Variants in TUBA1C observed in about 807,000 individuals in gnomAD.
The protein encoded by TUBA1C is tubulin alpha 1c, also known as tubulin alpha-1C chain.
A neutral mutation model predicts 34.9 loss-of-function variants in TUBA1C; 16 were observed. The ratio of observed to expected loss-of-function variants is 0.46; its 90% CI spans 0.31 to 0.70. The LOEUF is 0.70. Ranked by LOEUF, TUBA1C falls within the 30% of genes least tolerant of loss-of-function variation. TUBA1C has a pLI of 0.05. For missense variants in TUBA1C, 329 were observed against 587.3 expected (o/e 0.56, Z 4.55); for synonymous variants, 177 against 215.9 (o/e 0.82, Z 1.58).
rs779100436 is a variant in TUBA1C at position 49,268,870 on chromosome 12, CAG to C, written c.4-592_4-591del. On this transcript the variant is annotated intron_variant, in intron 1 of 3. Coordinates refer to ENST00000301072, the MANE Select transcript of TUBA1C (RefSeq NM_032704.5). The stretch of plus-strand genomic sequence containing the variant: ...TTACACAATCATTCAGAGAATGAAT[CAG>C]AGCTGGAAAGGGGAATTTTGCCTTA... Among the ~76,000 whole-genome samples, 11 of 152,266 alleles carry C rather than the reference CAG, an allele frequency of 7.2e-5. No homozygotes were observed. The South Asian group carries it at 1.9e-3, about 26-fold the overall frequency.
At chr12:49,248,785 G>A (rs1370804713) in intron 1 of TUBA1C, among the ~76,000 whole-genome samples, 5 of 146,316 alleles carry the variant, frequency 3.4e-5, no homozygotes, top group African/African-American at 5.0e-5. Flanking sequence ...GGAGAATGGC[G>A]TGAACCCGGG....
intron 1 of TUBA1C, chr12:49,257,862 A>ATT (rs550187175): frequency 8.2e-4 from 138 of 168,276 alleles, no homozygotes; most frequent in South Asian, 3.8e-3. Context: ...AAAGTTTACA[A>ATT]TTTTTTTTTT....
chr12:49,237,524 C>A (rs1942568212), intron 1 of TUBA1C, among the ~76,000 whole-genome samples: 1 of 151,688 alleles, frequency 6.6e-6, no homozygotes, highest in Admixed American at 6.6e-5. Context: ...AGGAGGATCA[C>A]TTGAGCCCAG....
chr12:49,254,204 G>A (rs1359820416), intron 1 of TUBA1C, among the ~76,000 whole-genome samples: 1 of 151,950 alleles, frequency 6.6e-6, no homozygotes, highest in African/African-American at 2.4e-5. Flanking sequence ...CCAGCTACTC[G>A]GGAGGCTGAG....
chr12:49,251,750 G>A (rs1426852360), intron 1 of TUBA1C, among the ~76,000 whole-genome samples: 1 of 151,380 alleles, frequency 6.6e-6, no homozygotes, highest in Admixed American at 6.6e-5. Flanking sequence ...GTCCAGCTTG[G>A]GCGACAGAGC....
chr12:49,254,127 C>T (rs1942758565), intron 1 of TUBA1C, among the ~76,000 whole-genome samples: 1 of 152,090 alleles, frequency 6.6e-6, no homozygotes, highest in Non-Finnish European at 1.5e-5. Flanking sequence ...GCCTGACCAA[C>T]ACGGAGAAAC....
At chr12:49,247,054 T>G (rs1240487991) in intron 1 of TUBA1C, among the ~76,000 whole-genome samples, 2 of 148,174 alleles carry the variant, frequency 1.3e-5, no homozygotes, top group African/African-American at 5.0e-5. Context: ...ACAGGAGAAT[T>G]GCATGAACCC....
chr12:49,235,253 TA>T (rs36089997), intron 1 of TUBA1C, among the ~76,000 whole-genome samples: 10,241 of 147,230 alleles, frequency 0.07, 382 homozygotes, highest in South Asian at 0.12. Context: ...TTAGAATGCT[TA>T]AAAAAAAAAA....
At chr12:49,244,423 C>T (rs1942648307) in intron 1 of TUBA1C, among the ~76,000 whole-genome samples, 2 of 152,128 alleles carry the variant, frequency 1.3e-5, no homozygotes, top group African/African-American at 4.8e-5. Context: ...GAATTTACAT[C>T]TATAGTCGTG....
chr12:49,248,552 C>T (rs1251692521), intron 1 of TUBA1C, among the ~76,000 whole-genome samples: 1 of 145,842 alleles, frequency 6.9e-6, no homozygotes, highest in Non-Finnish European at 1.5e-5. Context: ...AACAGCGAAA[C>T]TCTGTCTCAG....
chr12:49,248,639 G>A (rs1414209813), intron 1 of TUBA1C, among the ~76,000 whole-genome samples: 1 of 150,628 alleles, frequency 6.6e-6, no homozygotes, highest in East Asian at 2.0e-4. Context: ...CGAGGCGGGC[G>A]GATCACGAGG....
rs1335226212 is a variant in TUBA1C, at chr12:49,269,701, A to G, written c.226+14A>G. ...CCACAGTCATTGGTGAGTTGACCTC[A>G]GTAACCCAAGTGAGATCCCAGGGTG... On this transcript the variant is annotated intron_variant, in intron 2 of 3. Transcript: ENST00000301072. 1 of 1,613,634 alleles carries G rather than the reference A, an allele frequency of 6.2e-7. No individual in the cohort carries two copies. The highest frequency in any genetic ancestry group is 1.7e-5 in the Admixed American group (1 of 60,020).
chr12:49,233,712 A>G (rs889673937), intron 1 of TUBA1C: 4 of 152,266 alleles, frequency 2.6e-5, no homozygotes, highest in Admixed American at 1.3e-4. Flanking sequence ...ACGAGCCTTC[A>G]TCACTAGAGG....
At chr12:49,260,934 T>G (rs1386497855), upstream of TUBA1C, among the ~76,000 whole-genome samples, 4 of 152,154 alleles carry the variant, frequency 2.6e-5, no homozygotes, top group South Asian at 2.1e-4. Context: ...GGTTTCGCCA[T>G]GTTGCCCCAG....
chr12:49,240,035 GACACACACAC>G (rs5798100), intron 1 of TUBA1C, among the ~76,000 whole-genome samples: 1,933 of 138,780 alleles, frequency 0.014, 32 homozygotes, highest in African/African-American at 0.047. Flanking sequence ...TCAGAGCACA[GACACACACAC>G]ACACACACAC....
intron 1 of TUBA1C, among the ~76,000 whole-genome samples, chr12:49,228,326 C>G (rs959848191): frequency 6.6e-6 from 1 of 152,130 alleles, no homozygotes; most frequent in Non-Finnish European, 1.5e-5. Context: ...TTTCTGCAAT[C>G]CTTTTTATTA....
At chr12:49,249,737 T>C (rs1044240848) in intron 1 of TUBA1C, among the ~76,000 whole-genome samples, 4 of 151,838 alleles carry the variant, frequency 2.6e-5, no homozygotes, top group Admixed American at 2.6e-4. Flanking sequence ...GGCACGTGCC[T>C]GTAGTCCCAG....
chr12:49,238,024 G>A (rs1490052781), intron 1 of TUBA1C, among the ~76,000 whole-genome samples: 1 of 151,452 alleles, frequency 6.6e-6, no homozygotes, highest in Admixed American at 6.6e-5. Context: ...CAGGAGAATA[G>A]CTTGAACCTG....
At chr12:49,263,426 G>A (rs1028228569), upstream of TUBA1C, among the ~76,000 whole-genome samples, 4 of 151,904 alleles carry the variant, frequency 2.6e-5, no homozygotes, top group Admixed American at 1.3e-4. Context: ...TAAGCATCTC[G>A]GATACTGTGC....
Sources: allele counts gnomAD v4.1 joint callset (sites outside exome capture counted in the v4.1 genomes callset), GRCh38; gene constraint gnomAD v4.1.1; transcripts MANE v1.5; gene names NCBI Gene and HGNC (gene_info 2026-07-23, HGNC 2026-07-21).